Variants in ETNPPL observed in about 807,000 individuals in gnomAD.
ETNPPL encodes the protein alanine--glyoxylate aminotransferase 2-like 1.
A neutral mutation model predicts 55.5 loss-of-function variants in ETNPPL; 30 were observed. The observed-to-expected ratio is 0.54, with a 90% CI of 0.40 to 0.73. ETNPPL has a LOEUF of 0.73. Ranked by LOEUF, ETNPPL falls within the 30% of genes least tolerant of loss-of-function variation. The pLI is 0.00. For missense variants in ETNPPL, 528 were observed against 607.9 expected (o/e 0.87, Z 1.38); for synonymous variants, 202 against 207.2 (o/e 0.98, Z 0.21).
chr4:108,744,715 ATTTTTT>A (rs530380404), intron 11 of ETNPPL, among the ~76,000 whole-genome samples: 3 of 121,184 alleles, frequency 2.5e-5, no homozygotes, highest in Non-Finnish European at 3.3e-5. Context: ...AGAAGTTGAA[ATTTTTT>A]TTTTTTTTTT....
intron 12 of ETNPPL, 121 bp from the exon 13 acceptor site, chr4:108,742,733 C>T (rs1728280188): frequency 9.2e-7 from 1 of 1,086,260 alleles, no homozygotes; most frequent in Non-Finnish European, 1.4e-6. Context: ...AACAACACTG[C>T]TTGCTCCTTT....
At chr4:108,761,278 A>C (rs1210750542) in intron 1 of ETNPPL, among the ~76,000 whole-genome samples, 1 of 152,204 alleles carries the variant, frequency 6.6e-6, no homozygotes, top group Non-Finnish European at 1.5e-5. Context: ...AGGTAGTTCT[A>C]GTAGTAGAAA....
intron 9 of ETNPPL, 137 bp downstream of exon 9, chr4:108,747,868 A>AT (rs1174505460): frequency 1.5e-6 from 1 of 656,710 alleles, no homozygotes; most frequent in East Asian, 3.0e-5. Flanking sequence ...AGCTGGGACT[A>AT]TTTGTGTGTG....
chr4:108,742,686 T>G, intron 12 of ETNPPL, 74 bp from the exon 13 acceptor site: 1 of 1,559,200 alleles, frequency 6.4e-7, no homozygotes, highest in Non-Finnish European at 8.8e-7. Context: ...ACTTAACAAG[T>G]CCACACACAA....
rs1728501456 is a variant in ETNPPL, at chr4:108,746,433, C to T, written c.1269G>A (p.Lys423=). The T allele has an allele frequency of 3.7e-6, 6 of 1,614,030 alleles. No homozygotes were observed. Among genetic ancestry groups the T allele is most frequent in the Non-Finnish European group, 5.1e-6 (6 of 1,179,996 alleles). Residue 423 remains lysine, a synonymous_variant, in exon 11 of 13, where the codon AAG becomes AAA. Coordinates refer to ENST00000296486, the MANE Select transcript of ETNPPL (RefSeq NM_031279.4). ...TCCTATCAAGTTGGTCCACCATGAA[C>T]TTTGCATCTTCTTCAGTGAAGCACA... ...PPMCFTEEDA[K]FMVDQLDRIL... is the part of the protein sequence containing the mutation.
intron 9 of ETNPPL, among the ~76,000 whole-genome samples, chr4:108,747,223 AT>A (rs1263144899): frequency 4.0e-5 from 1 of 24,978 alleles, no homozygotes; most frequent in Non-Finnish European, 5.5e-5. Context: ...ATATATATAT[AT>A]TATATATATA....
intron 3 of ETNPPL, 90 bp from the exon 4 acceptor site, chr4:108,756,582 A>T: frequency 1.0e-6 from 1 of 983,108 alleles, no homozygotes; most frequent in African/African-American, 1.6e-5. Context: ...CACGCCTGTA[A>T]TCCTAGCGCT....
chr4:108,745,799 C>T (rs1728455013), intron 11 of ETNPPL, among the ~76,000 whole-genome samples: 2 of 151,016 alleles, frequency 1.3e-5, no homozygotes, highest in South Asian at 2.1e-4. Context: ...GGCATGGTGG[C>T]GGGTGCCTGT....
intron 5 of ETNPPL, among the ~76,000 whole-genome samples, chr4:108,754,298 C>T (rs1272153353): frequency 6.6e-6 from 1 of 152,042 alleles, no homozygotes; most frequent in East Asian, 1.9e-4. Flanking sequence ...TAAAAACACA[C>T]TTAGTTCAAC....
chr4:108,754,740 TCA>T, intron 4 of ETNPPL, 30 bp from the exon 5 acceptor site: 1 of 1,203,328 alleles, frequency 8.3e-7, no homozygotes, highest in Non-Finnish European at 1.2e-6. Context: ...AAAGCAGTAA[TCA>T]AAATAATTCC....
At chr4:108,745,815 C>G (rs938960290) in intron 11 of ETNPPL, among the ~76,000 whole-genome samples, 4 of 149,192 alleles carry the variant, frequency 2.7e-5, no homozygotes, top group Non-Finnish European at 5.9e-5. Flanking sequence ...CCTGTAATCC[C>G]GGATACCTGG....
intron 4 of ETNPPL, among the ~76,000 whole-genome samples, chr4:108,756,184 C>T (rs1017534137): frequency 1.3e-5 from 2 of 152,158 alleles, no homozygotes; most frequent in African/African-American, 4.8e-5. Context: ...AAGCTACATC[C>T]CCCACAGTAA....
At chr4:108,743,922 G>A (rs961427788) in intron 11 of ETNPPL, 66 bp from the exon 12 acceptor site, 1 of 1,071,380 alleles carries the variant, frequency 9.3e-7, no homozygotes, top group Non-Finnish European at 1.4e-6. Context: ...AAAACTTTTT[G>A]GTATCTTAGC....
chr4:108,754,758 A>G, intron 4 of ETNPPL, 48 bp from the exon 5 acceptor site: 1 of 1,100,958 alleles, frequency 9.1e-7, no homozygotes, highest in Non-Finnish European at 1.4e-6. Context: ...ATTCCAAGAG[A>G]GATATTTTCA....
At chr4:108,762,501 TC>T (rs1729556001) in intron 1 of ETNPPL, 2 of 667,616 alleles carry the variant, frequency 3.0e-6, no homozygotes, top group Non-Finnish European at 5.5e-6. Context: ...GCGCTATCCT[TC>T]TTCCACCCAT....
rs374710518 is a variant in ETNPPL, at chr4:108,752,908, T to C, written c.605A>G (p.Asn202Ser). Residue 202 changes from asparagine to serine, a missense_variant, in exon 6 of 13, where the codon AAC becomes AGC. Physicochemically the swap from Asn to Ser is conservative, Grantham distance 46. Transcript: ENST00000296486. ...ATAAATACAAACCTTCCTTCCACTG[T>C]TATGAGCATCTTCAATGATTTTCTT... is the stretch of plus-strand genomic sequence containing the variant. Reference protein sequence around the residue: ...EVKKIIEDAHNSGRKIAAFIA... With the variant: ...EVKKIIEDAHSSGRKIAAFIA... 1.9e-6 allele frequency: 3 copies of C among 1,592,996 alleles called. No individual in the cohort carries two copies. Among genetic ancestry groups the C allele is most frequent in the Non-Finnish European group, 2.6e-6 (3 of 1,161,932 alleles).
chr4:108,761,138 C>T (rs549922944), intron 1 of ETNPPL, among the ~76,000 whole-genome samples: 13 of 152,246 alleles, frequency 8.5e-5, no homozygotes, highest in African/African-American at 3.1e-4. Flanking sequence ...CTGGATTATA[C>T]ATTTTAGCAC....
At chr4:108,743,712 TGAAAA>T in intron 12 of ETNPPL, 72 bp downstream of exon 12, 3 of 1,114,136 alleles carry the variant, frequency 2.7e-6, no homozygotes, top group Admixed American at 3.6e-5. Flanking sequence ...CACAATTTTT[TGAAAA>T]TTTGTATTCC....
intron 6 of ETNPPL, 88 bp from the exon 7 acceptor site, chr4:108,751,106 A>T: frequency 1.1e-6 from 1 of 903,958 alleles, no homozygotes. Context: ...GGTTATTTTA[A>T]AAATGGCTAG....
Sources: allele counts gnomAD v4.1 joint callset (sites outside exome capture counted in the v4.1 genomes callset), GRCh38; gene constraint gnomAD v4.1.1; transcripts MANE v1.5; gene names NCBI Gene and HGNC (gene_info 2026-07-23, HGNC 2026-07-21).